The following PITPNC1 variants were observed in gnomAD, a reference collection of about 807,000 sequenced individuals.
The protein encoded by PITPNC1 is cytoplasmic phosphatidylinositol transfer protein 1.
In PITPNC1, 18 loss-of-function variants were observed where a neutral mutation model predicts 44.7. That is an observed-to-expected ratio of 0.40 (90% CI 0.28 to 0.60). PITPNC1 has a LOEUF of 0.60. Among genes scored for constraint, PITPNC1 ranks in the 20% least tolerant of loss-of-function variants. The pLI, the probability that PITPNC1 is intolerant of heterozygous loss-of-function variation, is 0.39. For synonymous variants in PITPNC1, 141 were observed against 149.6 expected (o/e 0.94, Z 0.42); for missense variants, 290 against 418.4 (o/e 0.69, Z 2.68).
chr17:67,542,818 G>A (rs2040626703), intron 2 of PITPNC1, among the ~76,000 whole-genome samples: 1 of 152,182 alleles, frequency 6.6e-6, no homozygotes, highest in African/African-American at 2.4e-5. Flanking sequence ...AATTATTAGA[G>A]GCACTGGAAA....
chr17:67,535,568 CAT>C (rs903745338), intron 2 of PITPNC1, among the ~76,000 whole-genome samples: 1 of 152,088 alleles, frequency 6.6e-6, no homozygotes, highest in Admixed American at 6.5e-5. Flanking sequence ...ATATTTATAT[CAT>C]ATTTATTTAA....
intron 7 of PITPNC1, among the ~76,000 whole-genome samples, chr17:67,671,259 T>C (rs1241630315): frequency 1.3e-5 from 2 of 152,186 alleles, no homozygotes; most frequent in African/African-American, 4.8e-5. Flanking sequence ...CATGACTCTG[T>C]CCCTCATGGG....
chr17:67,428,943 C>T (rs142783285), intron 1 of PITPNC1, among the ~76,000 whole-genome samples: 1,462 of 145,162 alleles, frequency 0.01, 24 homozygotes, highest in Non-Finnish European at 0.014. Context: ...CGGGTTCAAG[C>T]GATTCTCCTG....
intron 1 of PITPNC1, among the ~76,000 whole-genome samples, chr17:67,451,562 CTA>C (rs1373923187): frequency 6.6e-6 from 1 of 151,978 alleles, no homozygotes; most frequent in Non-Finnish European, 1.5e-5. Context: ...ATTTACGTCT[CTA>C]TAGTTTTGTC....
intron 1 of PITPNC1, among the ~76,000 whole-genome samples, chr17:67,468,682 T>G (rs1243516907): frequency 6.7e-6 from 1 of 149,212 alleles, no homozygotes; most frequent in Non-Finnish European, 1.5e-5. Flanking sequence ...GGATTACAGG[T>G]GTGAACCACC....
chr17:67,666,281 C>T (rs1272671044), intron 6 of PITPNC1, among the ~76,000 whole-genome samples: 1 of 152,206 alleles, frequency 6.6e-6, no homozygotes, highest in Non-Finnish European at 1.5e-5. Flanking sequence ...AAGGCGTGAG[C>T]CACTGTGCCC....
chr17:67,590,721 A>C (rs935518181), intron 5 of PITPNC1, among the ~76,000 whole-genome samples: 4 of 152,112 alleles, frequency 2.6e-5, no homozygotes, highest in African/African-American at 9.7e-5. Context: ...CCAGCACTTT[A>C]GCAGGCCGAG....
At chr17:67,390,181 T>C (rs1354386504) in intron 1 of PITPNC1, among the ~76,000 whole-genome samples, 1 of 151,944 alleles carries the variant, frequency 6.6e-6, no homozygotes, top group East Asian at 1.9e-4. Context: ...GAGGAGGAGG[T>C]TCTCTCCTGC....
Position 67,692,965 on chromosome 17 carries a change from A to G in PITPNC1, c.*77A>G, listed in dbSNP as rs1184187603. ...TTTTTTTAAGAATCTTCTGATAGAGAAAAAGACTGCTTTGTCACTCAAACA... is the reference window on the plus strand; with the variant it reads ...TTTTTTTAAGAATCTTCTGATAGAGGAAAAGACTGCTTTGTCACTCAAACA... On this transcript the variant is annotated 3_prime_UTR_variant, in exon 9 of 9. Transcript: ENST00000581322. 4 of 928,540 alleles carry G rather than the reference A, an allele frequency of 4.3e-6. No homozygotes were observed. In the East Asian group the frequency reaches 7.2e-5, roughly 17 times the overall value. The allele number at this position is 928,540 out of a possible 1,614,324, so 57.5% of individuals were successfully genotyped here.
intron 8 of PITPNC1, among the ~76,000 whole-genome samples, chr17:67,690,534 G>A (rs190790444): frequency 6.6e-6 from 1 of 152,080 alleles, no homozygotes; most frequent in East Asian, 1.9e-4. Context: ...TTCCAAAGTG[G>A]CTATATTGTT....
chr17:67,397,083 C>T (rs2038230975), intron 1 of PITPNC1, among the ~76,000 whole-genome samples: 2 of 152,078 alleles, frequency 1.3e-5, no homozygotes, highest in South Asian at 4.1e-4. Flanking sequence ...CAGGTTCAAG[C>T]GATTCTCCTG....
At chr17:67,398,547 G>T (rs1310952836) in intron 1 of PITPNC1, among the ~76,000 whole-genome samples, 1 of 152,074 alleles carries the variant, frequency 6.6e-6, no homozygotes, top group Non-Finnish European at 1.5e-5. Context: ...CTGTTGACCA[G>T]TGCCGGCTGC....
chr17:67,518,141 A>T (rs1433747428), intron 1 of PITPNC1, among the ~76,000 whole-genome samples: 25 of 152,190 alleles, frequency 1.6e-4, no homozygotes, highest in Admixed American at 1.6e-3. Context: ...AATTTGCTAC[A>T]TTCCTGGATG....
intron 6 of PITPNC1, among the ~76,000 whole-genome samples, chr17:67,666,337 A>C (rs1351801923): frequency 6.6e-6 from 1 of 152,156 alleles, no homozygotes; most frequent in Non-Finnish European, 1.5e-5. Context: ...AATCAGGCAG[A>C]GTGCAGGACT....
At chr17:67,613,172 G>C (rs2041710659) in intron 5 of PITPNC1, 1 of 152,246 alleles carries the variant, frequency 6.6e-6, no homozygotes, top group Admixed American at 6.5e-5. Flanking sequence ...ACTCCAGCCT[G>C]GGCAGCAAGA....
chr17:67,536,199 C>T (rs1407102559), intron 2 of PITPNC1, among the ~76,000 whole-genome samples: 2 of 152,062 alleles, frequency 1.3e-5, no homozygotes, highest in Non-Finnish European at 2.9e-5. Context: ...GTAATAATTA[C>T]AGTAAAAAGC....
intron 7 of PITPNC1, among the ~76,000 whole-genome samples, chr17:67,673,515 C>T (rs2042547369): frequency 6.6e-6 from 1 of 152,142 alleles, no homozygotes; most frequent in Non-Finnish European, 1.5e-5. Flanking sequence ...GCTTGTCATT[C>T]CCATTACGTT....
intron 2 of PITPNC1, among the ~76,000 whole-genome samples, chr17:67,541,170 G>T (rs1323917320): frequency 1.3e-5 from 2 of 152,052 alleles, no homozygotes; most frequent in South Asian, 4.1e-4. Flanking sequence ...AGCCAAGACT[G>T]CACCACTGCA....
intron 5 of PITPNC1, among the ~76,000 whole-genome samples, chr17:67,585,665 TGTG>T (rs753055726): frequency 6.6e-6 from 1 of 152,060 alleles, no homozygotes; most frequent in Non-Finnish European, 1.5e-5. Context: ...ACTAGCCAGA[TGTG>T]GTGGCACACA....
Sources: gnomAD v4.1 joint callset for allele counts (sites outside exome capture counted in the v4.1 genomes callset) on GRCh38, gnomAD v4.1.1 for gene constraint, MANE v1.5 for transcripts, NCBI Gene and HGNC (gene_info 2026-07-23, HGNC 2026-07-21) for gene names.